Variants in CHRNA4 observed in about 807,000 individuals in gnomAD.
CHRNA4 encodes the protein neuronal acetylcholine receptor subunit alpha-4.
In CHRNA4, 28 loss-of-function variants were observed where a neutral mutation model predicts 48.9. The ratio of observed to expected loss-of-function variants is 0.57; its 90% confidence interval spans 0.42 to 0.79. CHRNA4 has a LOEUF of 0.79. CHRNA4 is among the 30% of genes least tolerant of loss of function. CHRNA4 has a pLI of 0.00. For synonymous variants in CHRNA4, 425 were observed against 402.3 expected (o/e 1.06, Z -0.68); for missense variants, 859 against 898.4 (o/e 0.96, Z 0.56).
intron 4 of CHRNA4, among the ~76,000 whole-genome samples, chr20:63,352,542 G>A (rs546570147): frequency 2.2e-4 from 33 of 152,292 alleles, no homozygotes; most frequent in African/African-American, 7.5e-4. Context: ...TCCCTCCAGC[G>A]GGGGGCGGGG....
chr20:63,351,573 C>T (rs991058176), intron 4 of CHRNA4, among the ~76,000 whole-genome samples: 1 of 152,244 alleles, frequency 6.6e-6, no homozygotes, highest in African/African-American at 2.4e-5. Flanking sequence ...AATTCCTCAC[C>T]CAGCTTCTGC....
rs2068476991 is a variant in CHRNA4 at position 63,345,476 on chromosome 20, A to G, written c.*1262T>C. 1 of 383,888 alleles carries G rather than the reference A, an allele frequency of 2.6e-6. No homozygotes were observed. Among genetic ancestry groups the G allele is most frequent in the Non-Finnish European group, 5.3e-6 (1 of 187,972 alleles). The allele number at this position is 383,888 out of a possible 1,614,324, so 23.8% of individuals were successfully genotyped here. On this transcript the variant is annotated 3_prime_UTR_variant, in exon 6 of 6. Coordinates refer to ENST00000370263, the MANE Select transcript of CHRNA4 (RefSeq NM_000744.7). The surrounding 1 kb of genome is among the most constrained non-coding windows in gnomAD (Gnocchi z 5.4). The stretch of plus-strand genomic sequence containing the variant: ...ACACTGGGGGGCTGCCGGGTGCGCC[A>G]TCTTTAGGGGGTGCACTGCCGGGCT...
At position 63,346,574 on chromosome 20, in the gene CHRNA4, C is replaced by T. The variant is rs978908968; in HGVS notation, c.*164G>A. The T allele has an allele frequency of 4.0e-6, 4 of 1,002,398 alleles. No individual in the cohort carries two copies. The Admixed American group carries it at 8.0e-5, about 20-fold the overall frequency. 62.1% of individuals were successfully genotyped at this position (1,002,398 alleles called of 1,614,324 possible). On this transcript the variant is annotated 3_prime_UTR_variant, in exon 6 of 6. Coordinates refer to ENST00000370263, the MANE Select transcript of CHRNA4 (RefSeq NM_000744.7). ...CACTCGGTCTCCCCAGAGGCCGTGT[C>T]CCCGTCCAAGGCCGTCTTACAGCAG...
At chr20:63,359,911 G>GTGTGTGCCGGGCGTGCGCTGTGTA in intron 1 of CHRNA4, 1 of 518,636 alleles carries the variant, frequency 1.9e-6, no homozygotes, top group East Asian at 3.4e-5. Context: ...GTGTGTGTGT[G>GTGTGTGCCGGGCGTGCGCTGTGTA]TGTGTGTGTG....
intron 2 of CHRNA4, 78 bp downstream of exon 2, chr20:63,359,470 C>T: frequency 1.3e-6 from 2 of 1,577,394 alleles, no homozygotes; most frequent in Non-Finnish European, 1.7e-6. Flanking sequence ...TGGCTGTGTC[C>T]CCTCTGCCCA....
rs796052313 is a variant in CHRNA4 at position 63,361,128 on chromosome 20, G to C, written c.38C>G (p.Pro13Arg). ...GGTCCCCAGAAGCAGCAGCAGCGGC[G>C]GCAGCAGCCGCGGCGCTCCGGGGCC... ...LGGPGAPRLL[P>R]PLLLLLGTGL... Residue 13 changes from proline to arginine, a missense_variant, in exon 1 of 6, where the codon CCG becomes CGG. Physicochemically the swap from Pro to Arg is moderately radical, Grantham distance 103. Transcript: ENST00000370263. 1.8e-5 allele frequency: 26 copies of C among 1,477,992 alleles called. No homozygotes were observed. The highest frequency in any genetic ancestry group is 2.2e-5 in the Non-Finnish European group (25 of 1,120,346). The allele number at this position is 1,477,992 out of a possible 1,614,324, so 91.6% of individuals were successfully genotyped here.
chr20:63,355,954 C>G lies in CHRNA4; in HGVS notation c.383+21G>C, dbSNP rs768495909. ...GCCCACCAAGGCCCTGTAGAGGACT[C>G]ACTTGTTGTAGAGGACTCACTTGTT... On this transcript the variant is annotated intron_variant, in intron 4 of 5. Transcript: ENST00000370263. 11 of 1,610,496 alleles carry G rather than the reference C, an allele frequency of 6.8e-6. No homozygotes were observed. The South Asian group carries it at 1.2e-4, about 18-fold the overall frequency.
At position 63,344,083 on chromosome 20, in the gene CHRNA4, G is replaced by C. The variant is rs201497655; in HGVS notation, c.*2655C>G. On this transcript the variant is annotated 3_prime_UTR_variant, in exon 6 of 6. Coordinates refer to ENST00000370263, the MANE Select transcript of CHRNA4 (RefSeq NM_000744.7). This position sits in a 1 kb window ranked among gnomAD's most constrained non-coding sequence, Gnocchi z 4.5. Reference sequence around the variant, plus strand: ...CACTAACAGGTGATGGACAAACTGCGTCTTAGTTTATTCAGACAGAAGAAC... The same window carrying C: ...CACTAACAGGTGATGGACAAACTGCCTCTTAGTTTATTCAGACAGAAGAAC... 2.2e-6 allele frequency: 1 copy of C among 454,024 alleles called. No homozygotes were observed. The highest frequency in any genetic ancestry group is 4.4e-6 in the Non-Finnish European group (1 of 226,812). 28.1% of individuals were successfully genotyped at this position (454,024 alleles called of 1,614,324 possible).
At chr20:63,355,403 T>C in intron 4 of CHRNA4, 1 of 794,294 alleles carries the variant, frequency 1.3e-6, no homozygotes, top group Non-Finnish European at 1.8e-6. Flanking sequence ...GTTTGTTTGC[T>C]GGGGACCTGG....
rs199849183 is a variant in CHRNA4 at position 63,344,189 on chromosome 20, T to C, written c.*2549A>G. The C allele has an allele frequency of 2.2e-5, 10 of 453,936 alleles. No individual in the cohort carries two copies. Among genetic ancestry groups the C allele is most frequent in the East Asian group, 1.4e-4 (2 of 14,364 alleles). 28.1% of individuals were successfully genotyped at this position (453,936 alleles called of 1,614,324 possible). A position where few individuals can be genotyped will look rare whatever the true frequency, so the allele number is the denominator to read the frequency against. On this transcript the variant is annotated 3_prime_UTR_variant, in exon 6 of 6. Transcript: ENST00000370263. The surrounding 1 kb of genome is among the most constrained non-coding windows in gnomAD (Gnocchi z 4.5). ...ACAGCACGGATGAAGCTCTAAGTCA[T>C]AGGATGAAGAAGCCAGACATCAAAG...
At position 63,346,902 on chromosome 20, in the gene CHRNA4, C is replaced by A. The variant is rs768939689; in HGVS notation, c.1759-39G>T. The A allele has an allele frequency of 1.3e-5, 21 of 1,610,810 alleles. 1 individual carries two copies. In the South Asian group the frequency reaches 1.8e-4, roughly 13 times the overall value. On this transcript the variant is annotated intron_variant, in intron 5 of 5. Coordinates refer to ENST00000370263, the MANE Select transcript of CHRNA4 (RefSeq NM_000744.7). The stretch of plus-strand genomic sequence containing the variant: ...CGCCGTCACTCCAGCACGGCCCGGC[C>A]GCCGCCAGCGGGGACAGCCCTCAGG...
intron 4 of CHRNA4, among the ~76,000 whole-genome samples, chr20:63,353,393 G>A (rs2068644816): frequency 6.7e-6 from 1 of 150,322 alleles, no homozygotes; most frequent in African/African-American, 2.5e-5. Flanking sequence ...TGGTGAGGAG[G>A]AGACACAGGA....
chr20:63,357,625 G>A (rs368580349), intron 2 of CHRNA4, among the ~76,000 whole-genome samples: 12 of 149,704 alleles, frequency 8.0e-5, no homozygotes, highest in Middle Eastern at 3.4e-3. Context: ...ATCCGAGCCC[G>A]CAAAGGGGGC....
intron 4 of CHRNA4, among the ~76,000 whole-genome samples, chr20:63,351,826 T>G (rs1221495919): frequency 1.3e-5 from 2 of 152,186 alleles, no homozygotes; most frequent in African/African-American, 4.8e-5. Context: ...GGGGCTGATG[T>G]CCCTTGAACT....
chr20:63,361,269 CTTCG>C lies in CHRNA4; in HGVS notation c.-108_-105del. On this transcript the variant is annotated 5_prime_UTR_variant, in exon 1 of 6. Transcript: ENST00000370263. Reference sequence around the variant, plus strand: ...CATGCCTCCCGCGCCTCGCGGGCCGCTTCGGCCGCCGGGCCCGGTTCGTCTTCTC... The same window carrying C: ...CATGCCTCCCGCGCCTCGCGGGCCGCGCCGCCGGGCCCGGTTCGTCTTCTC... 1 of 1,383,326 alleles carries C rather than the reference CTTCG, an allele frequency of 7.2e-7. No individual in the cohort carries two copies. The highest frequency in any genetic ancestry group is 9.3e-7 in the Non-Finnish European group (1 of 1,070,190). 85.7% of individuals were successfully genotyped at this position (1,383,326 alleles called of 1,614,324 possible). A position where few individuals can be genotyped will look rare whatever the true frequency, so the allele number is the denominator to read the frequency against.
chr20:63,347,135 G>A (rs1041663143), intron 5 of CHRNA4, among the ~76,000 whole-genome samples: 3 of 152,214 alleles, frequency 2.0e-5, no homozygotes, highest in African/African-American at 7.2e-5. Flanking sequence ...ACCCCCTTGT[G>A]GAGACAAGCT....
At chr20:63,353,871 G>C in intron 4 of CHRNA4, among the ~76,000 whole-genome samples, 1 of 95,780 alleles carries the variant, frequency 1.0e-5, no homozygotes, top group Non-Finnish European at 2.1e-5. Context: ...GTGGTTCTGG[G>C]GGGACTGTGG....
intron 1 of CHRNA4, 195 bp from the exon 2 acceptor site, chr20:63,359,894 G>T: frequency 2.0e-6 from 1 of 499,330 alleles, no homozygotes; most frequent in East Asian, 3.3e-5. Context: ...TGCCGGGCGT[G>T]TGCTGTGTGT....
At chr20:63,349,416 G>A (rs1056087878) in intron 5 of CHRNA4, 6 of 596,532 alleles carry the variant, frequency 1.0e-5, no homozygotes, top group African/African-American at 1.9e-5. Context: ...AGCCAGAGAC[G>A]GCACCGGGAT....
Sources: allele counts gnomAD v4.1 joint callset (sites outside exome capture counted in the v4.1 genomes callset), GRCh38; gene constraint gnomAD v4.1.1; non-coding constraint Gnocchi (gnomAD v3.1); transcripts MANE v1.5; gene names NCBI Gene and HGNC (gene_info 2026-07-23, HGNC 2026-07-21).